Variants in PARD3 observed in about 807,000 individuals in gnomAD.
The protein encoded by PARD3 is par-3 family cell polarity regulator, also known as partitioning defective 3 homolog.
Under a neutral mutation model 155.4 loss-of-function variants are expected in PARD3, and 75 were observed. That is an observed-to-expected ratio of 0.48 (90% confidence interval 0.40 to 0.58). PARD3 has a LOEUF of 0.58. Among genes scored for constraint, PARD3 ranks in the 20% least tolerant of loss-of-function variants. The probability of loss-of-function intolerance (pLI) is 0.00; values close to 1 mark genes in which losing one functional copy is unlikely to be tolerated. For missense variants in PARD3, 1,642 were observed against 1,721.7 expected (o/e 0.95, Z 0.82); for synonymous variants, 576 against 610.5 (o/e 0.94, Z 0.83).
chr10:34,121,919 C>A (rs186194479), intron 23 of PARD3, among the ~76,000 whole-genome samples: 1 of 152,166 alleles, frequency 6.6e-6, no homozygotes, highest in Non-Finnish European at 1.5e-5. Flanking sequence ...CTTCGCTGAG[C>A]GAGTTCTGCT....
chr10:34,576,317 AGGGGCTG>A (rs2086884382), intron 2 of PARD3, among the ~76,000 whole-genome samples: 1 of 152,166 alleles, frequency 6.6e-6, no homozygotes, highest in Non-Finnish European at 1.5e-5. Context: ...GACCTTCCAG[AGGGGCTG>A]TCTGCTTGCT....
At chr10:34,141,771 C>T (rs931780514) in intron 22 of PARD3, among the ~76,000 whole-genome samples, 2 of 152,100 alleles carry the variant, frequency 1.3e-5, no homozygotes, top group African/African-American at 2.4e-5. Context: ...AACATGCAAG[C>T]GCAAAGACAT....
At chr10:34,232,417 G>A (rs912117353) in intron 22 of PARD3, among the ~76,000 whole-genome samples, 4 of 152,182 alleles carry the variant, frequency 2.6e-5, no homozygotes, top group South Asian at 4.1e-4. Context: ...GGTAAAACAC[G>A]GCCATGTGGG....
chr10:34,783,465 G>A (rs7095381), intron 1 of PARD3, among the ~76,000 whole-genome samples: 5,562 of 151,734 alleles, frequency 0.037, 346 homozygotes, highest in African/African-American at 0.13. Flanking sequence ...TTAGCTGGGC[G>A]TGGTGGCGGG....
chr10:34,463,691 A>G lies in PARD3; in HGVS notation c.582+6394T>C, dbSNP rs118063698. ...GTCTGCATTCGCTTAAACAAAAGAT[A>G]TCTCAAAAAAAACATTATACAGTCA... On this transcript the variant is annotated intron_variant, in intron 4 of 24. Coordinates refer to ENST00000374788, the MANE Select transcript of PARD3 (RefSeq NM_001184785.2). Among the ~76,000 whole-genome samples the G allele has an allele frequency of 3.5e-3, 531 of 152,308 alleles. 2 individuals carry two copies. The highest frequency in any genetic ancestry group is 6.0e-3 in the Non-Finnish European group (409 of 68,020).
intron 20 of PARD3, among the ~76,000 whole-genome samples, chr10:34,308,166 C>T (rs1193570902): frequency 6.6e-6 from 1 of 151,498 alleles, no homozygotes; most frequent in Non-Finnish European, 1.5e-5. Flanking sequence ...GTCAAAGAGG[C>T]TGGGGTGGGG....
At chr10:34,416,338 C>T (rs989022540) in intron 5 of PARD3, among the ~76,000 whole-genome samples, 4 of 152,130 alleles carry the variant, frequency 2.6e-5, no homozygotes, top group East Asian at 1.9e-4. Context: ...TCTTAAAAGA[C>T]GTCCAGGAGA....
intron 23 of PARD3, among the ~76,000 whole-genome samples, chr10:34,123,128 A>C (rs2132704891): frequency 6.6e-6 from 1 of 152,346 alleles, no homozygotes; most frequent in Non-Finnish European, 1.5e-5. Context: ...GGTTACAAGC[A>C]ATGACCTTTT....
intron 7 of PARD3, among the ~76,000 whole-genome samples, chr10:34,392,631 A>C (rs1253460296): frequency 6.6e-6 from 1 of 152,158 alleles, no homozygotes; most frequent in Non-Finnish European, 1.5e-5. Flanking sequence ...GTAGATGTTA[A>C]GAAGGATTGT....
chr10:34,630,427 T>C (rs921580148), intron 2 of PARD3, among the ~76,000 whole-genome samples: 2 of 150,544 alleles, frequency 1.3e-5, no homozygotes, highest in African/African-American at 4.9e-5. Context: ...AGTCCACCCT[T>C]ATCCTCCCTC....
chr10:34,733,623 A>G (rs1248609092), intron 1 of PARD3, among the ~76,000 whole-genome samples: 1 of 152,200 alleles, frequency 6.6e-6, no homozygotes, highest in African/African-American at 2.4e-5. Context: ...AGCTGAGATT[A>G]CAGGCGTGTG....
intron 2 of PARD3, among the ~76,000 whole-genome samples, chr10:34,678,059 T>A (rs150747660): frequency 0.012 from 1,760 of 151,532 alleles, 17 homozygotes; most frequent in Non-Finnish European, 0.012. Flanking sequence ...TTTTTTAATT[T>A]ATTTATTTAT....
chr10:34,632,380 G>T (rs1479415313), intron 2 of PARD3, among the ~76,000 whole-genome samples: 1 of 152,152 alleles, frequency 6.6e-6, no homozygotes, highest in Non-Finnish European at 1.5e-5. Flanking sequence ...CGCTAAGGAG[G>T]CCACCACAAC....
chr10:34,332,535 G>C (rs1835726492), intron 18 of PARD3, among the ~76,000 whole-genome samples: 1 of 152,060 alleles, frequency 6.6e-6, no homozygotes, highest in Non-Finnish European at 1.5e-5. Context: ...GCTTTTCACA[G>C]CTCAGAAAAT....
intron 2 of PARD3, among the ~76,000 whole-genome samples, chr10:34,695,797 T>C (rs553374130): frequency 6.6e-6 from 1 of 151,626 alleles, no homozygotes; most frequent in Non-Finnish European, 1.5e-5. Flanking sequence ...AAATGGCCCA[T>C]CGCACAGCAA....
intron 1 of PARD3, among the ~76,000 whole-genome samples, chr10:34,769,557 A>G (rs1588671765): frequency 6.6e-6 from 1 of 151,942 alleles, no homozygotes; most frequent in African/African-American, 2.4e-5. Context: ...GGAGTCCGAC[A>G]CCAGCTTGGG....
intron 22 of PARD3, among the ~76,000 whole-genome samples, chr10:34,206,918 C>A (rs1194042591): frequency 6.6e-6 from 1 of 152,060 alleles, no homozygotes; most frequent in Admixed American, 6.5e-5. Context: ...AGGTCTTGTC[C>A]CATACAGCCA....
chr10:34,399,295 T>C (rs779342079), intron 7 of PARD3, 35 bp downstream of exon 7: 3 of 1,266,780 alleles, frequency 2.4e-6, no homozygotes, highest in African/African-American at 2.9e-5. Flanking sequence ...ACACTCTACA[T>C]TATGATTCAA....
chr10:34,261,398 C>T (rs914032099), intron 22 of PARD3, among the ~76,000 whole-genome samples: 5 of 152,026 alleles, frequency 3.3e-5, no homozygotes, highest in African/African-American at 9.7e-5. Flanking sequence ...TCAAGAAACA[C>T]TGAACAGGGG....
Sources: allele counts gnomAD v4.1 joint callset (sites outside exome capture counted in the v4.1 genomes callset), GRCh38; gene constraint gnomAD v4.1.1; transcripts MANE v1.5; gene names NCBI Gene and HGNC (gene_info 2026-07-23, HGNC 2026-07-21).